Variants in ROBO2 observed in about 807,000 individuals in gnomAD.
ROBO2 encodes roundabout homolog 2.
A neutral mutation model predicts 160.8 loss-of-function variants in ROBO2; 53 were observed. The ratio of observed to expected loss-of-function variants is 0.33; its 90% CI spans 0.26 to 0.41. The LOEUF (loss-of-function observed/expected upper bound fraction) is 0.41. Among genes scored for constraint, ROBO2 ranks in the 10% least tolerant of loss-of-function variants. The probability of loss-of-function intolerance (pLI) is 1.00; values close to 1 mark genes in which losing one functional copy is unlikely to be tolerated. For synonymous variants in ROBO2, 664 were observed against 611.7 expected (o/e 1.09, Z -1.26); for missense variants, 1,577 against 1,722.4 (o/e 0.92, Z 1.49).
intron 2 of ROBO2, among the ~76,000 whole-genome samples, chr3:77,186,377 A>C (rs2081288819): frequency 6.6e-6 from 1 of 152,006 alleles, no homozygotes; most frequent in Non-Finnish European, 1.5e-5. Context: ...AACAGAGTTA[A>C]GAAATAAATG....
intron 2 of ROBO2, among the ~76,000 whole-genome samples, chr3:77,289,908 A>C (rs2060970019): frequency 6.6e-6 from 1 of 152,148 alleles, no homozygotes; most frequent in Non-Finnish European, 1.5e-5. Flanking sequence ...AGATCCCTAA[A>C]GACATAAAGT....
Position 77,562,572 on chromosome 3 carries a change from A to G in ROBO2, c.1438-79A>G, listed in dbSNP as rs11925826. 5.7e-3 allele frequency: 5,506 copies of G among 974,488 alleles called. 181 individuals carry two copies. In the African/African-American group the frequency reaches 0.079, roughly 14 times the overall value. The allele number at this position is 974,488 out of a possible 1,614,324, so 60.4% of individuals were successfully genotyped here. A position where few individuals can be genotyped will look rare whatever the true frequency, so the allele number is the denominator to read the frequency against. On this transcript the variant is annotated intron_variant, in intron 9 of 25. Transcript: ENST00000461745. ...GATACATCTAATTTTAAGAAATTAAATATTGCCTGGCTGTCATTGAGTAAT... is the reference window on the plus strand; with the variant it reads ...GATACATCTAATTTTAAGAAATTAAGTATTGCCTGGCTGTCATTGAGTAAT...
chr3:76,127,633 T>C (rs2071042774), intron 2 of ROBO2, among the ~76,000 whole-genome samples: 1 of 151,732 alleles, frequency 6.6e-6, no homozygotes, highest in Non-Finnish European at 1.5e-5. Flanking sequence ...ATCAAGACAG[T>C]AAATTGCAAT....
chr3:77,615,018 C>T (rs2094738675), intron 21 of ROBO2, among the ~76,000 whole-genome samples: 1 of 152,078 alleles, frequency 6.6e-6, no homozygotes, highest in Non-Finnish European at 1.5e-5. Flanking sequence ...CATAGCCCTG[C>T]CCAACTCCAA....
At chr3:77,323,698 A>G (rs1234597649) in intron 2 of ROBO2, among the ~76,000 whole-genome samples, 2 of 152,134 alleles carry the variant, frequency 1.3e-5, no homozygotes, top group Non-Finnish European at 2.9e-5. Context: ...ACTCCTGAAA[A>G]TGATTACAAA....
At chr3:77,248,910 G>A (rs2090047629) in intron 2 of ROBO2, among the ~76,000 whole-genome samples, 2 of 151,870 alleles carry the variant, frequency 1.3e-5, no homozygotes, top group Non-Finnish European at 2.9e-5. Flanking sequence ...CAGGGTGTCA[G>A]TCTGTTACCC....
At chr3:77,642,937 G>A (rs181394187) in intron 24 of ROBO2, 118 of 456,504 alleles carry the variant, frequency 2.6e-4, no homozygotes, top group Middle Eastern at 9.8e-4. Flanking sequence ...ACAAGGTGTC[G>A]GATCAGGTGT....
chr3:77,427,096 G>C (rs565013382), intron 2 of ROBO2, among the ~76,000 whole-genome samples: 1 of 152,126 alleles, frequency 6.6e-6, no homozygotes, highest in Non-Finnish European at 1.5e-5. Context: ...AGGGCATATG[G>C]AATGTGCGGA....
intron 2 of ROBO2, among the ~76,000 whole-genome samples, chr3:76,665,934 C>A (rs2092008368): frequency 7.4e-6 from 1 of 135,298 alleles, no homozygotes; most frequent in South Asian, 2.2e-4. Context: ...ATGTAATATA[C>A]ATATAATATA....
At chr3:77,607,980 A>C in intron 21 of ROBO2, 26 bp downstream of exon 22, 1 of 1,612,510 alleles carries the variant, frequency 6.2e-7, no homozygotes, top group Non-Finnish European at 8.5e-7. Flanking sequence ...ATACTAGCAA[A>C]ATGGCCAGGG....
chr3:77,497,318 G>A (rs1582468802), intron 5 of ROBO2, among the ~76,000 whole-genome samples: 1 of 152,176 alleles, frequency 6.6e-6, no homozygotes, highest in Non-Finnish European at 1.5e-5. Flanking sequence ...TGAGTAGGAG[G>A]AACAAGCAAG....
At chr3:76,925,937 G>A (rs1390147381) in intron 2 of ROBO2, among the ~76,000 whole-genome samples, 1 of 152,182 alleles carries the variant, frequency 6.6e-6, no homozygotes, top group Non-Finnish European at 1.5e-5. Flanking sequence ...CTTCCAAGAT[G>A]AGTAAGTGGA....
intron 2 of ROBO2, among the ~76,000 whole-genome samples, chr3:76,306,120 C>T (rs1292611653): frequency 6.6e-6 from 1 of 152,132 alleles, no homozygotes; most frequent in Non-Finnish European, 1.5e-5. Context: ...GATTGAGAGC[C>T]TGCTAGGTAC....
intron 2 of ROBO2, among the ~76,000 whole-genome samples, chr3:77,459,229 C>G (rs2153569556): frequency 6.6e-6 from 1 of 152,240 alleles, no homozygotes; most frequent in South Asian, 2.1e-4. Flanking sequence ...CAAGATCATT[C>G]CACAGTGATA....
In ROBO2 at chr3:75,939,797, T is replaced by TA. The variant is rs1324536369; in HGVS notation, c.109+2199dup. 9.2e-5 allele frequency among the ~76,000 whole-genome samples: 14 copies of TA among 152,256 alleles called. No homozygotes were observed. In the East Asian group the frequency reaches 2.3e-3, roughly 25 times the overall value. ...TATGCAATTAAGCAGAATTTAAAAA[T>TA]AAAAGTTTTAAAAATTAAAGTTTTT... On this transcript the variant is annotated intron_variant, in intron 2 of 26. Coordinates refer to the ROBO2 transcript ENST00000487694.
intron 2 of ROBO2, among the ~76,000 whole-genome samples, chr3:76,350,719 T>A (rs1212030596): frequency 3.3e-5 from 5 of 151,934 alleles, no homozygotes; most frequent in East Asian, 1.9e-4. Context: ...TATTGAAAAA[T>A]TTTTAAAAGA....
chr3:76,577,886 C>CT (rs1398277204), intron 2 of ROBO2, among the ~76,000 whole-genome samples: 5 of 152,116 alleles, frequency 3.3e-5, no homozygotes, highest in Non-Finnish European at 7.4e-5. Context: ...AAGAACTGGC[C>CT]TTTTGTCTAA....
chr3:76,930,795 T>C (rs1202695904), intron 2 of ROBO2, among the ~76,000 whole-genome samples: 1 of 152,208 alleles, frequency 6.6e-6, no homozygotes, highest in Non-Finnish European at 1.5e-5. Flanking sequence ...CACCTTTTTG[T>C]TCTGTTCAGG....
intron 2 of ROBO2, among the ~76,000 whole-genome samples, chr3:75,948,454 G>A (rs887404589): frequency 6.6e-6 from 1 of 151,928 alleles, no homozygotes; most frequent in Non-Finnish European, 1.5e-5. Context: ...TGTGTGTATG[G>A]GAAGTCATAC....
Sources: allele counts gnomAD v4.1 joint callset (sites outside exome capture counted in the v4.1 genomes callset), GRCh38; gene constraint gnomAD v4.1.1; transcripts MANE v1.5; gene names NCBI Gene and HGNC (gene_info 2026-07-23, HGNC 2026-07-21).